Variants in MAGI2 observed in about 807,000 individuals in gnomAD.
MAGI2 encodes the protein membrane associated guanylate kinase, WW and PDZ domain containing 2, also known as membrane-associated guanylate kinase, WW and PDZ domain-containing protein 2.
Under a neutral mutation model 133.3 loss-of-function variants are expected in MAGI2, and 35 were observed. The ratio of observed to expected loss-of-function variants is 0.26; its 90% confidence interval spans 0.20 to 0.35. MAGI2 has a LOEUF of 0.35. MAGI2 is among the 10% of genes least tolerant of loss of function. MAGI2 has a pLI of 1.00. For missense variants in MAGI2, 1,636 were observed against 1,863.4 expected, an observed-to-expected ratio of 0.88 and a Z score of 2.25; for synonymous variants, 729 against 710.6, an observed-to-expected ratio of 1.03 and a Z score of -0.41.
intron 10 of MAGI2, among the ~76,000 whole-genome samples, chr7:78,247,495 C>A (rs1434040340): frequency 6.6e-6 from 1 of 151,932 alleles, no homozygotes; most frequent in Non-Finnish European, 1.5e-5. Flanking sequence ...AAATAATGGG[C>A]TTTAAGCAAA....
chr7:78,448,990 A>C (rs933420906), intron 6 of MAGI2, among the ~76,000 whole-genome samples: 1 of 152,076 alleles, frequency 6.6e-6, no homozygotes, highest in Non-Finnish European at 1.5e-5. Context: ...ATATGGGTCA[A>C]AGGGCATCTG....
intron 21 of MAGI2, among the ~76,000 whole-genome samples, chr7:78,051,285 C>T (rs547551506): frequency 7.2e-5 from 11 of 151,978 alleles, no homozygotes; most frequent in African/African-American, 1.5e-4. Context: ...TGGAGAGGGC[C>T]GATGATTTTT....
At chr7:78,893,528 C>T (rs1009081112) in intron 2 of MAGI2, among the ~76,000 whole-genome samples, 21 of 152,124 alleles carry the variant, frequency 1.4e-4, no homozygotes, top group African/African-American at 4.6e-4. Context: ...GGCACATATA[C>T]ACCTTGGAAT....
intron 3 of MAGI2, among the ~76,000 whole-genome samples, chr7:78,557,094 A>AAAAAAAAAG (rs1799909990): frequency 1.4e-5 from 2 of 144,826 alleles, no homozygotes; most frequent in Admixed American, 7.1e-5. Flanking sequence ...AAAAAAAAAA[A>AAAAAAAAAG]AAAAAAGAAA....
intron 2 of MAGI2, among the ~76,000 whole-genome samples, chr7:78,991,317 T>TACACACACACAC (rs148776305): frequency 7.6e-6 from 1 of 132,128 alleles, no homozygotes; most frequent in African/African-American, 2.8e-5. Context: ...GACACACACA[T>TACACACACACAC]ACACACACAC....
chr7:78,240,383 C>T (rs1218394720), intron 10 of MAGI2, among the ~76,000 whole-genome samples: 4 of 152,090 alleles, frequency 2.6e-5, no homozygotes, highest in Non-Finnish European at 4.4e-5. Flanking sequence ...TGAAGCACTA[C>T]TCATAATAGC....
chr7:79,214,397 CTCTCTCTCTCTATATATATATATA>C (rs1300509348), intron 1 of MAGI2, among the ~76,000 whole-genome samples: 18 of 82,724 alleles, frequency 2.2e-4, no homozygotes, highest in African/African-American at 6.6e-4. Flanking sequence ...CTCTCTCTCT[CTCTCTCTCTCTATATATATATATA>C]TATATATATA....
chr7:78,943,386 A>G (rs939656980), intron 2 of MAGI2, among the ~76,000 whole-genome samples: 1 of 152,172 alleles, frequency 6.6e-6, no homozygotes, highest in Non-Finnish European at 1.5e-5. Context: ...GCAGATCATG[A>G]AGAATTTAAA....
At chr7:79,125,825 G>T (rs1021319811) in intron 1 of MAGI2, 4 of 499,006 alleles carry the variant, frequency 8.0e-6, no homozygotes, top group Admixed American at 6.2e-5. Flanking sequence ...TTTAATTCCT[G>T]CCAGGAAACA....
intron 1 of MAGI2, among the ~76,000 whole-genome samples, chr7:79,332,603 T>C (rs750685827): frequency 2.0e-5 from 3 of 152,172 alleles, no homozygotes; most frequent in Admixed American, 1.3e-4. Context: ...ATAGGAAATA[T>C]TAGTTCCTTT....
chr7:78,515,232 T>C (rs1278728817), intron 4 of MAGI2, among the ~76,000 whole-genome samples: 1 of 152,224 alleles, frequency 6.6e-6, no homozygotes, highest in Admixed American at 6.5e-5. Flanking sequence ...GAGAGTTCAA[T>C]CTTTTAAAAA....
intron 5 of MAGI2, among the ~76,000 whole-genome samples, chr7:78,497,750 A>ATCTATCTGTCTGTCTGTCTGTCTG (rs1554442385): frequency 2.6e-5 from 3 of 113,412 alleles, no homozygotes; most frequent in African/African-American, 3.4e-5. Flanking sequence ...CTATCTATCT[A>ATCTATCTGTCTGTCTGTCTGTCTG]TCTATCTATC....
intron 1 of MAGI2, among the ~76,000 whole-genome samples, chr7:79,266,512 G>A (rs1260069481): frequency 1.3e-5 from 2 of 151,992 alleles, no homozygotes; most frequent in Non-Finnish European, 2.9e-5. Flanking sequence ...CCCCACTAAG[G>A]GGAGTAGGGG....
chr7:78,829,792 G>A (rs1790984735), intron 2 of MAGI2, among the ~76,000 whole-genome samples: 2 of 151,898 alleles, frequency 1.3e-5, no homozygotes, highest in Admixed American at 1.3e-4. Context: ...CAATTTTTTA[G>A]TTCACAAAAT....
intron 1 of MAGI2, among the ~76,000 whole-genome samples, chr7:79,214,840 A>T (rs1051624592): frequency 4.2e-5 from 6 of 144,430 alleles, no homozygotes; most frequent in African/African-American, 1.3e-4. Context: ...ATAAAATTAT[A>T]AAATTTATAA....
intron 1 of MAGI2, among the ~76,000 whole-genome samples, chr7:79,422,289 A>G (rs1847020435): frequency 6.6e-6 from 1 of 152,130 alleles, no homozygotes; most frequent in Non-Finnish European, 1.5e-5. Flanking sequence ...TTTTTCCTGT[A>G]CTTAGCAGGG....
intron 4 of MAGI2, among the ~76,000 whole-genome samples, chr7:78,516,819 G>C (rs1796082800): frequency 6.6e-6 from 1 of 152,210 alleles, no homozygotes; most frequent in South Asian, 2.1e-4. Flanking sequence ...GCAAGGATGG[G>C]AGCCAAAGGC....
intron 1 of MAGI2, among the ~76,000 whole-genome samples, chr7:79,015,551 C>A (rs371976632): frequency 3.3e-5 from 5 of 152,136 alleles, no homozygotes; most frequent in African/African-American, 9.7e-5. Context: ...AAACAACAGA[C>A]TAATATAGCC....
At chr7:78,093,364 G>A (rs984965206) in intron 20 of MAGI2, among the ~76,000 whole-genome samples, 1 of 151,806 alleles carries the variant, frequency 6.6e-6, no homozygotes. Flanking sequence ...TGAGGCAGGA[G>A]AATTGCTTGA....
Sources: allele counts gnomAD v4.1 joint callset (sites outside exome capture counted in the v4.1 genomes callset), GRCh38; gene constraint gnomAD v4.1.1; transcripts MANE v1.5; gene names NCBI Gene and HGNC (gene_info 2026-07-23, HGNC 2026-07-21).